CORO2B: variants seen among roughly 807,000 people sequenced by gnomAD.
CORO2B encodes the protein coronin-2B.
CORO2B carries 26 observed loss-of-function variants against 58.8 expected under a neutral mutation model. The ratio of observed to expected loss-of-function variants is 0.44; its 90% CI spans 0.32 to 0.61. The LOEUF (loss-of-function observed/expected upper bound fraction) is 0.61. Among genes scored for constraint, CORO2B ranks in the 20% least tolerant of loss-of-function variants. CORO2B has a pLI of 0.04. For missense variants in CORO2B, 460 were observed against 645.1 expected (o/e 0.71, Z 3.11); for synonymous variants, 242 against 253.8 (o/e 0.95, Z 0.44).
intron 1 of CORO2B, among the ~76,000 whole-genome samples, chr15:68,641,780 A>G (rs1901243219): frequency 6.6e-6 from 1 of 152,090 alleles, no homozygotes; most frequent in Non-Finnish European, 1.5e-5. Flanking sequence ...GTGGTAGTGC[A>G]GTGGTGCGAC....
At chr15:68,559,370 A>G in the CORO2B span, among the ~76,000 whole-genome samples, 1 of 151,944 alleles carries the variant, frequency 6.6e-6, no homozygotes, top group African/African-American at 2.4e-5. The surrounding 1 kb of genome is among the most constrained non-coding windows in gnomAD (Gnocchi z 4.3). Flanking sequence ...CCTCCGAGAC[A>G]TCCATTTTAG....
At chr15:68,539,658 A>T in the CORO2B span, among the ~76,000 whole-genome samples, 1 of 152,196 alleles carries the variant, frequency 6.6e-6, no homozygotes, top group East Asian at 1.9e-4. Context: ...GAGCAAGACC[A>T]TGTCTCAAAT....
intron 11 of CORO2B, among the ~76,000 whole-genome samples, chr15:68,721,177 T>C (rs946765877): frequency 5.3e-5 from 4 of 75,830 alleles, no homozygotes; most frequent in Non-Finnish European, 1.2e-4. Context: ...CCACCACACC[T>C]GGCCCACTAA....
chr15:68,644,371 T>C (rs192132726), intron 1 of CORO2B, among the ~76,000 whole-genome samples: 23 of 152,324 alleles, frequency 1.5e-4, no homozygotes, highest in Admixed American at 7.2e-4. Context: ...TCAGCATTTC[T>C]TATAAATGAC....
chr15:68,689,906 C>T (rs1224837713), intron 2 of CORO2B, among the ~76,000 whole-genome samples: 3 of 152,120 alleles, frequency 2.0e-5, no homozygotes, highest in East Asian at 3.8e-4. Context: ...TGTGTTGGCT[C>T]GTGAGAGCCT....
chr15:68,721,755 T>TTTAC (rs1170693696), intron 11 of CORO2B, among the ~76,000 whole-genome samples: 1 of 144,408 alleles, frequency 6.9e-6, no homozygotes, highest in Non-Finnish European at 1.6e-5. Flanking sequence ...TATTTATTTA[T>TTTAC]TTATGTTTTA....
At chr15:68,594,385 G>A (rs865794813) in intron 1 of CORO2B, among the ~76,000 whole-genome samples, 49 of 152,320 alleles carry the variant, frequency 3.2e-4, no homozygotes, top group African/African-American at 1.0e-3. Flanking sequence ...AGGTGGAGGC[G>A]CTTTTGGTAC....
In CORO2B at chr15:68,713,919, T is replaced by C; in HGVS notation, c.649-6T>C. On this transcript the variant is annotated splice_region_variant and splice_polypyrimidine_tract_variant and intron_variant, in intron 5 of 11. Transcript: ENST00000261861. Reference sequence around the variant, plus strand: ...CTGGCTCACCACCTCCCTCTGTTCCTACTAGGAGGCCAACTGCAAAAACCA... The same window carrying C: ...CTGGCTCACCACCTCCCTCTGTTCCCACTAGGAGGCCAACTGCAAAAACCA... 6.2e-7 allele frequency: 1 copy of C among 1,611,456 alleles called. No homozygotes were observed.
chr15:68,519,017 A>G, the CORO2B span, among the ~76,000 whole-genome samples: 1 of 152,188 alleles, frequency 6.6e-6, no homozygotes, highest in South Asian at 2.1e-4. Context: ...GGAGCAAAGC[A>G]GAGTATGCAC....
intron 1 of CORO2B, among the ~76,000 whole-genome samples, chr15:68,590,180 G>A (rs1171280106): frequency 1.3e-5 from 2 of 152,120 alleles, no homozygotes; most frequent in Non-Finnish European, 2.9e-5. Flanking sequence ...GAGGGAGAGT[G>A]GGTGGAGGGA....
chr15:68,591,895 G>C (rs1383330069), intron 1 of CORO2B, among the ~76,000 whole-genome samples: 1 of 152,166 alleles, frequency 6.6e-6, no homozygotes, highest in African/African-American at 2.4e-5. Flanking sequence ...GGGATTTCAG[G>C]AGCTCCTGCC....
At position 68,601,591 on chromosome 15, in the gene CORO2B, GC is replaced by G. The variant is rs1229481051; in HGVS notation, c.15+22318del. On this transcript the variant is annotated intron_variant, in intron 1 of 11. Coordinates refer to ENST00000261861, the MANE Select transcript of CORO2B (RefSeq NM_006091.5). Reference sequence around the variant, plus strand: ...ACAGTGTCGGGGCATCAGAAGGCCTGCCCCAGGGGTGGCCTGGAAGCAGAGA... The same window carrying G: ...ACAGTGTCGGGGCATCAGAAGGCCTGCCCAGGGGTGGCCTGGAAGCAGAGA... 2.6e-5 allele frequency among the ~76,000 whole-genome samples: 4 copies of G among 152,344 alleles called. No homozygotes were observed. In the East Asian group the frequency reaches 7.7e-4, roughly 29 times the overall value.
At chr15:68,633,113 A>G (rs748760462) in intron 1 of CORO2B, among the ~76,000 whole-genome samples, 4 of 152,110 alleles carry the variant, frequency 2.6e-5, no homozygotes, top group Admixed American at 6.5e-5. Context: ...TGGTTGGTTT[A>G]GCTGTCACCA....
intron 2 of CORO2B, among the ~76,000 whole-genome samples, chr15:68,661,555 A>C: frequency 6.6e-6 from 1 of 152,158 alleles, no homozygotes; most frequent in East Asian, 1.9e-4. Context: ...CTTTACAGAT[A>C]AGGGTAGTCC....
the CORO2B span, among the ~76,000 whole-genome samples, chr15:68,539,408 C>A: frequency 6.6e-6 from 1 of 152,142 alleles, no homozygotes; most frequent in Admixed American, 6.6e-5. Context: ...TGCAGTGGCT[C>A]ACACCTGTAA....
At chr15:68,698,795 CT>C (rs1341509580) in intron 3 of CORO2B, among the ~76,000 whole-genome samples, 1 of 152,154 alleles carries the variant, frequency 6.6e-6, no homozygotes, top group Non-Finnish European at 1.5e-5. Context: ...AGTAGTATGC[CT>C]GTCCCTTCAT....
chr15:68,726,233 G>A lies in CORO2B; in HGVS notation c.*259G>A. On this transcript the variant is annotated 3_prime_UTR_variant, in exon 12 of 12. Coordinates refer to ENST00000261861, the MANE Select transcript of CORO2B (RefSeq NM_006091.5). ...CCAGGAGCCAGGCTTCCCCTCAGCT[G>A]GGTGAAGACTACAGACTCCCTGGGG... 2.2e-6 allele frequency: 1 copy of A among 457,510 alleles called. No homozygotes were observed. 28.3% of individuals were successfully genotyped at this position (457,510 alleles called of 1,614,324 possible). A position where few individuals can be genotyped will look rare whatever the true frequency, so the allele number is the denominator to read the frequency against.
chr15:68,638,027 T>C (rs1901088149), intron 1 of CORO2B, among the ~76,000 whole-genome samples: 1 of 152,184 alleles, frequency 6.6e-6, no homozygotes, highest in South Asian at 2.1e-4. Context: ...CCTACATTTC[T>C]TGAGAGGCTA....
the CORO2B span, among the ~76,000 whole-genome samples, chr15:68,522,826 G>C: frequency 1.0e-2 from 1,520 of 152,180 alleles, 55 homozygotes; most frequent in East Asian, 0.1. Flanking sequence ...GTCACATATG[G>C]GTTTATTTTT....
Sources: allele counts gnomAD v4.1 joint callset (sites outside exome capture counted in the v4.1 genomes callset), GRCh38; gene constraint gnomAD v4.1.1; non-coding constraint Gnocchi (gnomAD v3.1); transcripts MANE v1.5; gene names NCBI Gene and HGNC (gene_info 2026-07-23, HGNC 2026-07-21).